NGF: variants seen among roughly 807,000 people sequenced by gnomAD.
NGF encodes nerve growth factor.
A neutral mutation model predicts 12.8 loss-of-function variants in NGF; 4 were observed. The ratio of observed to expected loss-of-function variants is 0.31; its 90% CI spans 0.15 to 0.72. NGF has a LOEUF of 0.72. Among genes scored for constraint, NGF ranks in the 30% least tolerant of loss-of-function variants. The pLI, the probability that NGF is intolerant of heterozygous loss-of-function variation, is 0.69. For synonymous variants in NGF, 140 were observed against 130.0 expected (o/e 1.08, Z -0.52); for missense variants, 283 against 330.8 (o/e 0.86, Z 1.12).
At position 115,286,234 on chromosome 1, in the gene NGF, C is replaced by G. The variant is rs760753923; in HGVS notation, c.562G>C (p.Gly188Arg). Residue 188 changes from glycine (G) to arginine (R), a missense_variant, in exon 3 of 3, where the codon GGG becomes CGG. Coordinates refer to ENST00000369512, the MANE Select transcript of NGF (RefSeq NM_002506.3). ...TGCTTTGAGTCAATGCCCCGGCACC[C>G]GCTGTCAACGGGATTTGGGTCCCGG... Reference protein sequence around the residue: ...KCRDPNPVDSGCRGIDSKHWN... With the variant: ...KCRDPNPVDSRCRGIDSKHWN... 4.3e-6 allele frequency: 7 copies of G among 1,614,020 alleles called. No individual in the cohort carries two copies. The highest frequency in any genetic ancestry group is 5.9e-6 in the Non-Finnish European group (7 of 1,180,052).
chr1:115,314,717 G>A lies in NGF; in HGVS notation c.-136-20967C>T, dbSNP rs116025475. Among the ~76,000 whole-genome samples the A allele has an allele frequency of 5.2e-3, 795 of 152,264 alleles. 9 individuals carry two copies. The highest frequency in any genetic ancestry group is 0.018 in the African/African-American group (763 of 41,550). Reference sequence around the variant, plus strand: ...CACTTGTTTAGCAACTAGATATTGAGCAACTATTATGCACCAAAGCACTAT... The same window carrying A: ...CACTTGTTTAGCAACTAGATATTGAACAACTATTATGCACCAAAGCACTAT... On this transcript the variant is annotated intron_variant, in intron 1 of 2. Coordinates refer to ENST00000369512, the MANE Select transcript of NGF (RefSeq NM_002506.3).
rs1308533678 is a variant in NGF at position 115,293,666 on chromosome 1, A to T, written c.-52T>A. ...GATAGAAAGCTGCTCCCTTGGTAAA[A>T]CTGTTATTGGGTCCGGACGCTGAGC... On this transcript the variant is annotated 5_prime_UTR_variant, in exon 2 of 3. Transcript: ENST00000369512. 1 of 152,606 alleles carries T rather than the reference A, an allele frequency of 6.6e-6. No homozygotes were observed. Among genetic ancestry groups the T allele is most frequent in the Non-Finnish European group, 1.5e-5 (1 of 68,160 alleles). 9.5% of individuals were successfully genotyped at this position (152,606 alleles called of 1,614,324 possible). A position where few individuals can be genotyped will look rare whatever the true frequency, so the allele number is the denominator to read the frequency against.
chr1:115,337,267 GT>G lies in NGF; in HGVS notation c.-137+936del, dbSNP rs67307707. Among the ~76,000 whole-genome samples, 271 of 81,012 alleles carry G rather than the reference GT, an allele frequency of 3.3e-3. 27 individuals carry two copies. The highest frequency in any genetic ancestry group is 9.7e-3 in the African/African-American group (183 of 18,888). The allele number at this position is 81,012 out of a possible 152,430, so 53.1% of individuals were successfully genotyped here. On this transcript the variant is annotated intron_variant, in intron 1 of 2. Transcript: ENST00000369512. ...TCGAAATTTTTTTTGTTTTGTTTTT[GT>G]TTTTTTTTTTTTTTTTTTTTTTTTT...
rs1553239126 is a variant in NGF, at chr1:115,333,714, T to TTTC, written c.-137+4489_-137+4490insGAA. On this transcript the variant is annotated intron_variant, in intron 1 of 2. Coordinates refer to ENST00000369512, the MANE Select transcript of NGF (RefSeq NM_002506.3). ...CTTTCTTTCTTTCTTTCTTTCTTTCTTTTCTTTCTTTCCTTCTTTCTTTCT... is the reference window on the plus strand; with the variant it reads ...CTTTCTTTCTTTCTTTCTTTCTTTCTTTCTTTCTTTCTTTCCTTCTTTCTTTCT... Among the ~76,000 whole-genome samples, 103 of 51,118 alleles carry TTTC rather than the reference T, an allele frequency of 2.0e-3. 2 individuals are homozygous for TTTC. The highest frequency in any genetic ancestry group is 4.1e-3 in the African/African-American group (23 of 5,606). The allele number at this position is 51,118 out of a possible 152,430, so 33.5% of individuals were successfully genotyped here.
At chr1:115,318,767 G>A (rs370040460) in intron 1 of NGF, among the ~76,000 whole-genome samples, 8 of 152,058 alleles carry the variant, frequency 5.3e-5, no homozygotes, top group Non-Finnish European at 7.4e-5. Flanking sequence ...AAGCCCTTCC[G>A]AGAGCATTTC....
chr1:115,316,416 GT>G (rs371114054), intron 1 of NGF, among the ~76,000 whole-genome samples: 4 of 151,780 alleles, frequency 2.6e-5, no homozygotes, highest in South Asian at 4.2e-4. Flanking sequence ...TTGTCCACTT[GT>G]TTTTTTTGCA....
chr1:115,333,713 CTTTTCTTTCT>C (rs1655014171), intron 1 of NGF, among the ~76,000 whole-genome samples: 13 of 44,502 alleles, frequency 2.9e-4, no homozygotes, highest in African/African-American at 2.8e-3. Flanking sequence ...TTCTTTCTTT[CTTTTCTTTCT>C]TTCCTTCTTT....
rs1571069427 is a variant in NGF at position 115,286,259 on chromosome 1, G to A, written c.537C>T (p.Cys179=). The A allele has an allele frequency of 1.9e-6, 3 of 1,614,120 alleles. No individual in the cohort carries two copies. The highest frequency in any genetic ancestry group is 2.5e-6 in the Non-Finnish European group (3 of 1,180,030). The stretch of plus-strand genomic sequence containing the variant: ...CGCTGTCAACGGGATTTGGGTCCCG[G>A]CACTTGGTCTCAAAAAAGTACTGTT... ...VFKQYFFETK[C]RDPNPVDSGC... is the part of the protein sequence containing the mutation. Residue 179 remains cysteine (C), a synonymous_variant, in exon 3 of 3, where the codon TGC becomes TGT. Transcript: ENST00000369512.
chr1:115,337,267 G>GTTTTTTTTT lies in NGF; in HGVS notation c.-137+928_-137+936dup, dbSNP rs67307707. ...TCGAAATTTTTTTTGTTTTGTTTTT[G>GTTTTTTTTT]TTTTTTTTTTTTTTTTTTTTTTTTT... is the stretch of plus-strand genomic sequence containing the variant. On this transcript the variant is annotated intron_variant, in intron 1 of 2. Transcript: ENST00000369512. 1.3e-3 allele frequency among the ~76,000 whole-genome samples: 108 copies of GTTTTTTTTT among 81,006 alleles called. 10 individuals are homozygous for GTTTTTTTTT. The highest frequency in any genetic ancestry group is 2.0e-3 in the Non-Finnish European group (84 of 42,660). 53.1% of individuals were successfully genotyped at this position (81,006 alleles called of 152,430 possible). A position where few individuals can be genotyped will look rare whatever the true frequency, so the allele number is the denominator to read the frequency against.
intron 1 of NGF, among the ~76,000 whole-genome samples, chr1:115,294,894 G>A (rs1041550508): frequency 6.6e-6 from 1 of 152,202 alleles, no homozygotes; most frequent in African/African-American, 2.4e-5. Context: ...CAGGATATTA[G>A]GAAGGCAGTG....
chr1:115,311,800 G>A, intron 1 of NGF, among the ~76,000 whole-genome samples: 1 of 152,160 alleles, frequency 6.6e-6, no homozygotes, highest in East Asian at 1.9e-4. Context: ...GAGCCACTCA[G>A]CATATGTAAA....
At chr1:115,326,199 A>G (rs868696902) in intron 1 of NGF, among the ~76,000 whole-genome samples, 5 of 152,098 alleles carry the variant, frequency 3.3e-5, no homozygotes, top group Admixed American at 6.5e-5. Flanking sequence ...AGGAGGACTA[A>G]TGAGGGAGAA....
chr1:115,312,713 A>C (rs1247210700), intron 1 of NGF, among the ~76,000 whole-genome samples: 2 of 152,174 alleles, frequency 1.3e-5, no homozygotes, highest in African/African-American at 4.8e-5. Context: ...TAGGTGAATG[A>C]ATGATCTCAA....
In NGF at chr1:115,286,743, G is replaced by A. The variant is rs754287903; in HGVS notation, c.53C>T (p.Ala18Val). The A allele has an allele frequency of 4.2e-5, 67 of 1,614,020 alleles. No individual in the cohort carries two copies. Among genetic ancestry groups the A allele is most frequent in the Middle Eastern group, 1.6e-4 (1 of 6,084 alleles). Residue 18 changes from alanine to valine, a missense_variant, in exon 3 of 3, where the codon GCG becomes GTG. By Grantham distance (64) the Ala-to-Val change is moderately conservative. Coordinates refer to ENST00000369512, the MANE Select transcript of NGF (RefSeq NM_002506.3). ...LITAFLIGIQ[A>V]EPHSESNVPA... is the part of the protein sequence containing the mutation. The stretch of plus-strand genomic sequence containing the variant: ...GACATTGCTCTCTGAGTGTGGTTCC[G>A]CCTGTATGCCGATCAGAAAAGCTGT...
At chr1:115,326,806 C>T (rs919498915) in intron 1 of NGF, among the ~76,000 whole-genome samples, 10 of 152,302 alleles carry the variant, frequency 6.6e-5, no homozygotes, top group Admixed American at 4.6e-4. Context: ...TTTCACACTC[C>T]TGGTCCAGGT....
At chr1:115,293,379 C>A (rs1653764042) in intron 2 of NGF, among the ~76,000 whole-genome samples, 1 of 152,188 alleles carries the variant, frequency 6.6e-6, no homozygotes, top group Non-Finnish European at 1.5e-5. Context: ...CAACTTTAGA[C>A]CCTTGATGCA....
chr1:115,334,514 A>AGGG (rs1047389554), intron 1 of NGF, among the ~76,000 whole-genome samples: 3 of 152,134 alleles, frequency 2.0e-5, no homozygotes, highest in African/African-American at 7.2e-5. Context: ...TGGTGGGACT[A>AGGG]CAGCACTGAG....
chr1:115,329,779 C>G (rs1346154493), intron 1 of NGF, among the ~76,000 whole-genome samples: 1 of 123,380 alleles, frequency 8.1e-6, no homozygotes, highest in Admixed American at 9.5e-5. Flanking sequence ...GGCAGGGTCT[C>G]ACTTATCTTG....
intron 1 of NGF, among the ~76,000 whole-genome samples, chr1:115,296,768 T>C (rs1653883491): frequency 6.6e-6 from 1 of 152,258 alleles, no homozygotes; most frequent in Non-Finnish European, 1.5e-5. Flanking sequence ...GTTGTCATTG[T>C]TTTTAGTCTC....
Sources: allele counts gnomAD v4.1 joint callset (sites outside exome capture counted in the v4.1 genomes callset), GRCh38; gene constraint gnomAD v4.1.1; transcripts MANE v1.5; gene names NCBI Gene and HGNC (gene_info 2026-07-23, HGNC 2026-07-21).